The following PPP2R3A variants were observed in gnomAD, a reference collection of about 807,000 sequenced individuals.
PPP2R3A encodes the protein serine/threonine-protein phosphatase 2A regulatory subunit B'' subunit alpha.
Under a neutral mutation model 106.9 loss-of-function variants are expected in PPP2R3A, and 80 were observed. That is an observed-to-expected ratio of 0.75 (90% confidence interval 0.62 to 0.90). The LOEUF (loss-of-function observed/expected upper bound fraction) is 0.90. Ranked by LOEUF, PPP2R3A falls within the 40% of genes least tolerant of loss-of-function variation. PPP2R3A has a pLI of 0.00. For missense variants in PPP2R3A, 1,386 were observed against 1,350.4 expected, an observed-to-expected ratio of 1.03 and a Z score of -0.41; for synonymous variants, 483 against 468.3, an observed-to-expected ratio of 1.03 and a Z score of -0.41.
chr3:136,086,497 T>A (rs1484334198), intron 8 of PPP2R3A, among the ~76,000 whole-genome samples: 1 of 152,036 alleles, frequency 6.6e-6, no homozygotes, highest in Non-Finnish European at 1.5e-5. Context: ...ACTCCATAAT[T>A]ATCCACTCAC....
intron 5 of PPP2R3A, among the ~76,000 whole-genome samples, chr3:136,058,593 G>A (rs970309534): frequency 6.6e-6 from 1 of 152,064 alleles, no homozygotes; most frequent in Admixed American, 6.6e-5. Context: ...ATTGTCCAAA[G>A]CAATTTATAG....
chr3:136,029,821 T>C (rs79025173), intron 3 of PPP2R3A, among the ~76,000 whole-genome samples: 3,535 of 152,304 alleles, frequency 0.023, 156 homozygotes, highest in African/African-American at 0.079. Context: ...ACCAAGCCTT[T>C]TTGTTCATTG....
At chr3:136,096,698 C>T (rs965769680) in intron 10 of PPP2R3A, among the ~76,000 whole-genome samples, 1 of 152,198 alleles carries the variant, frequency 6.6e-6, no homozygotes, top group Non-Finnish European at 1.5e-5. Context: ...ACTGCCTAAG[C>T]AATAATGGAG....
intron 10 of PPP2R3A, among the ~76,000 whole-genome samples, chr3:136,097,472 C>T (rs1174636108): frequency 1.3e-5 from 2 of 152,198 alleles, no homozygotes; most frequent in Non-Finnish European, 2.9e-5. Flanking sequence ...GGCAAATATT[C>T]AGGCAGTATA....
rs1048064518 is a variant in PPP2R3A, at chr3:136,146,675, G to C, written c.*1509G>C. The C allele has an allele frequency of 5.3e-5, 8 of 151,934 alleles. No homozygotes were observed. Among genetic ancestry groups the C allele is most frequent in the African/African-American group, 1.2e-4 (5 of 41,362 alleles). 9.4% of individuals were successfully genotyped at this position (151,934 alleles called of 1,614,324 possible). A position where few individuals can be genotyped will look rare whatever the true frequency, so the allele number is the denominator to read the frequency against. On this transcript the variant is annotated 3_prime_UTR_variant, in exon 14 of 14. Transcript: ENST00000264977. The stretch of plus-strand genomic sequence containing the variant: ...ACTATTACAGAAAGCAGTAACTATT[G>C]CAACTATCTAATAGTTCACACAAAA...
intron 5 of PPP2R3A, among the ~76,000 whole-genome samples, chr3:136,061,655 T>A (rs1342483560): frequency 6.6e-6 from 1 of 151,682 alleles, no homozygotes; most frequent in Non-Finnish European, 1.5e-5. Context: ...GCACAGTGGC[T>A]CACGCCTGTA....
intron 2 of PPP2R3A, 75 bp downstream of exon 2, chr3:136,003,568 CTT>C: frequency 1.2e-5 from 17 of 1,398,704 alleles, no homozygotes; most frequent in Non-Finnish European, 1.6e-5. Flanking sequence ...TAAAGAAAAA[CTT>C]TTTTGTTAGC....
chr3:136,077,887 A>G (rs114980022), intron 6 of PPP2R3A, among the ~76,000 whole-genome samples: 1,605 of 152,326 alleles, frequency 0.011, 31 homozygotes, highest in African/African-American at 0.037. Flanking sequence ...CATAGAGTCT[A>G]GAAGACCGAG....
intron 13 of PPP2R3A, among the ~76,000 whole-genome samples, chr3:136,131,928 C>T (rs551145570): frequency 2.0e-5 from 3 of 150,714 alleles, no homozygotes; most frequent in East Asian, 3.9e-4. Flanking sequence ...AACCAAACAC[C>T]GCATGTTCTC....
At chr3:136,078,562 C>T in intron 7 of PPP2R3A, 109 bp downstream of exon 7, 1 of 709,104 alleles carries the variant, frequency 1.4e-6, no homozygotes, top group East Asian at 2.8e-5. Context: ...TCACTACTTT[C>T]AGTCATTAAG....
intron 2 of PPP2R3A, among the ~76,000 whole-genome samples, chr3:136,025,969 TGGTGTACCTCCCCTCCC>T (rs1934638551): frequency 6.6e-6 from 1 of 152,174 alleles, no homozygotes; most frequent in Non-Finnish European, 1.5e-5. Context: ...ACCTGAATAA[TGGTGTACCTCCCCTCCC>T]TTTTTCCTAA....
intron 2 of PPP2R3A, among the ~76,000 whole-genome samples, chr3:136,011,335 T>C (rs1375198608): frequency 6.6e-6 from 1 of 152,192 alleles, no homozygotes; most frequent in African/African-American, 2.4e-5. Context: ...GGGAATTTTA[T>C]CTGTTACATT....
chr3:136,021,266 TG>T (rs1253440007), intron 2 of PPP2R3A, among the ~76,000 whole-genome samples: 1 of 152,008 alleles, frequency 6.6e-6, no homozygotes, highest in Non-Finnish European at 1.5e-5. Flanking sequence ...AGAATTAACA[TG>T]GAAGCCCAGT....
At chr3:136,049,110 A>G (rs1235949178) in intron 4 of PPP2R3A, 149 bp from the exon 5 acceptor site, 1 of 622,502 alleles carries the variant, frequency 1.6e-6, no homozygotes, top group Non-Finnish European at 2.8e-6. Context: ...ACAGCTCATC[A>G]TTCTAAAACA....
chr3:136,091,043 A>G (rs1050494789), intron 10 of PPP2R3A, among the ~76,000 whole-genome samples: 1 of 152,232 alleles, frequency 6.6e-6, no homozygotes, highest in South Asian at 2.1e-4. Flanking sequence ...TGACTAGTAT[A>G]TAAGAACACA....
intron 5 of PPP2R3A, among the ~76,000 whole-genome samples, chr3:136,057,577 T>G (rs1194167564): frequency 1.3e-5 from 2 of 152,184 alleles, no homozygotes; most frequent in Admixed American, 1.3e-4. Flanking sequence ...AACTGTACAC[T>G]TAAAATGGTA....
chr3:136,001,898 A>C lies in PPP2R3A; in HGVS notation c.400A>C (p.Asn134His). 2 of 1,614,142 alleles carry C rather than the reference A, an allele frequency of 1.2e-6. No homozygotes were observed. The highest frequency in any genetic ancestry group is 1.7e-6 in the Non-Finnish European group (2 of 1,180,022). The change falls in exon 2 of 14, where the codon AAC becomes CAC. Residue 134 changes from asparagine to histidine, a missense_variant. Asn to His is a moderately conservative substitution (Grantham distance 68). Coordinates refer to ENST00000264977, the MANE Select transcript of PPP2R3A (RefSeq NM_002718.5). ...IKEFSFEKLKNSNHAAYRKGR... is the reference protein window; with the variant it reads ...IKEFSFEKLKHSNHAAYRKGR... ...AGAATTTTCCTTTGAAAAACTCAAA[A>C]ACTCTAACCATGCAGCTTACAGAAA...
chr3:135,987,140 C>T (rs1215766376), intron 1 of PPP2R3A, among the ~76,000 whole-genome samples: 1 of 152,120 alleles, frequency 6.6e-6, no homozygotes, highest in African/African-American at 2.4e-5. Context: ...TTCTGAGATA[C>T]TTGTCAAGAA....
chr3:136,088,504 G>A lies in PPP2R3A; in HGVS notation c.2837+573G>A, dbSNP rs571178842. ...TCTTTATCCAGTCTACTGTTGGTAGGCATCTAGGTTGATTCCATGTCTTTG... is the reference window on the plus strand; with the variant it reads ...TCTTTATCCAGTCTACTGTTGGTAGACATCTAGGTTGATTCCATGTCTTTG... On this transcript the variant is annotated intron_variant, in intron 9 of 13. Transcript: ENST00000264977. 6.6e-5 allele frequency among the ~76,000 whole-genome samples: 10 copies of A among 152,282 alleles called. No homozygotes were observed. In the East Asian group the frequency reaches 1.9e-3, roughly 29 times the overall value.
Sources: gnomAD v4.1 joint callset for allele counts (sites outside exome capture counted in the v4.1 genomes callset) on GRCh38, gnomAD v4.1.1 for gene constraint, MANE v1.5 for transcripts, NCBI Gene and HGNC (gene_info 2026-07-23, HGNC 2026-07-21) for gene names.